Variants in ESRRG observed in about 807,000 individuals in gnomAD.
ESRRG encodes estrogen related receptor gamma.
A neutral mutation model predicts 44.0 loss-of-function variants in ESRRG; 13 were observed. That is an observed-to-expected ratio of 0.30 (90% CI 0.19 to 0.47). The LOEUF is 0.47. ESRRG is among the 20% of genes least tolerant of loss of function. The pLI is 1.00. For missense variants in ESRRG, 395 were observed against 580.6 expected, an observed-to-expected ratio of 0.68 and a Z score of 3.29; for synonymous variants, 215 against 214.6, an observed-to-expected ratio of 1.00 and a Z score of -0.02.
At chr1:217,048,244 CT>C (rs1198489595) in intron 1 of ESRRG, among the ~76,000 whole-genome samples, 1 of 152,038 alleles carries the variant, frequency 6.6e-6, no homozygotes, top group Admixed American at 6.6e-5. Flanking sequence ...GCTGACGGTA[CT>C]GGTTAGAGAG....
chr1:216,770,036 T>C (rs2093314228), intron 2 of ESRRG, among the ~76,000 whole-genome samples: 1 of 151,758 alleles, frequency 6.6e-6, no homozygotes, highest in Non-Finnish European at 1.5e-5. Context: ...TGAATTAGGG[T>C]AGGGCAAAAA....
chr1:216,628,987 GCT>G (rs1474455064), intron 3 of ESRRG, among the ~76,000 whole-genome samples: 2 of 151,948 alleles, frequency 1.3e-5, no homozygotes, highest in Non-Finnish European at 1.5e-5. Flanking sequence ...TGGAATATCT[GCT>G]CTCTTTCCCT....
intron 2 of ESRRG, among the ~76,000 whole-genome samples, chr1:216,859,370 A>T (rs956185700): frequency 1.3e-5 from 2 of 152,234 alleles, no homozygotes; most frequent in African/African-American, 4.8e-5. Flanking sequence ...TCAATTCAGG[A>T]GACACATCTA....
chr1:217,008,150 T>C (rs527588724), intron 1 of ESRRG, among the ~76,000 whole-genome samples: 11 of 152,292 alleles, frequency 7.2e-5, no homozygotes, highest in Admixed American at 3.3e-4. Flanking sequence ...CTGCAAACCA[T>C]TTACACCTTT....
At chr1:216,857,464 C>T (rs904132722) in intron 2 of ESRRG, among the ~76,000 whole-genome samples, 2 of 151,998 alleles carry the variant, frequency 1.3e-5, no homozygotes, top group Non-Finnish European at 2.9e-5. Context: ...CACTTCAACA[C>T]TCCTATTGCC....
At chr1:216,860,434 A>AATG (rs1483158097) in intron 2 of ESRRG, among the ~76,000 whole-genome samples, 5 of 152,118 alleles carry the variant, frequency 3.3e-5, no homozygotes, top group Non-Finnish European at 7.4e-5. Context: ...ACATAAAGAA[A>AATG]ATGACACCAG....
chr1:216,829,708 C>G (rs952216620), intron 2 of ESRRG, among the ~76,000 whole-genome samples: 22 of 152,152 alleles, frequency 1.4e-4, no homozygotes, highest in African/African-American at 5.3e-4. Context: ...CGCCTGCCAC[C>G]ATGCCCACCT....
chr1:216,781,559 C>T (rs1456889164), intron 2 of ESRRG, among the ~76,000 whole-genome samples: 1 of 152,004 alleles, frequency 6.6e-6, no homozygotes, highest in Non-Finnish European at 1.5e-5. Context: ...ACCAAACATA[C>T]CGTCACAGTT....
At chr1:216,801,816 G>C (rs149017935) in intron 2 of ESRRG, among the ~76,000 whole-genome samples, 1 of 152,264 alleles carries the variant, frequency 6.6e-6, no homozygotes, top group East Asian at 1.9e-4. Flanking sequence ...AGTTGTATGA[G>C]TTACCAATTC....
intron 1 of ESRRG, among the ~76,000 whole-genome samples, chr1:217,086,234 T>C (rs1213846778): frequency 6.6e-6 from 1 of 152,194 alleles, no homozygotes; most frequent in Non-Finnish European, 1.5e-5. Flanking sequence ...AATGGATATA[T>C]AGTATTTCCA....
intron 2 of ESRRG, among the ~76,000 whole-genome samples, chr1:216,732,057 A>T (rs1398707996): frequency 6.6e-6 from 1 of 152,018 alleles, no homozygotes; most frequent in Non-Finnish European, 1.5e-5. Flanking sequence ...TTAGCTGTTT[A>T]GAACATTTAA....
intron 2 of ESRRG, among the ~76,000 whole-genome samples, chr1:216,765,818 C>G (rs942467092): frequency 1.3e-5 from 2 of 152,202 alleles, no homozygotes; most frequent in Non-Finnish European, 2.9e-5. Context: ...CATGCTGTTC[C>G]TATAACGTGG....
At chr1:217,040,219 G>A (rs772027710) in intron 1 of ESRRG, among the ~76,000 whole-genome samples, 1 of 152,060 alleles carries the variant, frequency 6.6e-6, no homozygotes. Context: ...GGGTTATTTA[G>A]ACGGTAAGAA....
At chr1:216,997,987 CT>C (rs1294558244) in intron 1 of ESRRG, among the ~76,000 whole-genome samples, 14 of 152,056 alleles carry the variant, frequency 9.2e-5, no homozygotes, top group Admixed American at 9.2e-4. Context: ...TTTTTCTTCC[CT>C]TTTTTAACTG....
At chr1:216,847,438 G>T (rs926193961) in intron 2 of ESRRG, among the ~76,000 whole-genome samples, 19 of 152,100 alleles carry the variant, frequency 1.2e-4, no homozygotes, top group Admixed American at 4.6e-4. Context: ...AACTGGAGTA[G>T]AAAGGAAAGG....
At chr1:216,650,267 T>C (rs1056598440) in intron 3 of ESRRG, among the ~76,000 whole-genome samples, 1 of 152,104 alleles carries the variant, frequency 6.6e-6, no homozygotes, top group Non-Finnish European at 1.5e-5. Context: ...TAAAGAAAAC[T>C]TTTTATCCAT....
chr1:216,578,235 G>A (rs1224183555), intron 3 of ESRRG, among the ~76,000 whole-genome samples: 2 of 152,066 alleles, frequency 1.3e-5, no homozygotes, highest in Non-Finnish European at 2.9e-5. Flanking sequence ...ATACAAGCGA[G>A]AGATGTCTTG....
At chr1:216,555,145 G>A (rs2057259972) in intron 5 of ESRRG, among the ~76,000 whole-genome samples, 1 of 152,144 alleles carries the variant, frequency 6.6e-6, no homozygotes. Context: ...AAGGAGGTAG[G>A]CTGACTCAGT....
At chr1:216,658,848 AAGAAGAGAAGAGAAG>A (rs199919171) in intron 2 of ESRRG, among the ~76,000 whole-genome samples, 18,130 of 124,928 alleles carry the variant, frequency 0.15, 1,380 homozygotes, top group South Asian at 0.18. Flanking sequence ...AAGAAAGTAA[AAGAAGAGAAGAGAAG>A]AGAAGAGAAG....
Sources: allele counts gnomAD v4.1 joint callset (sites outside exome capture counted in the v4.1 genomes callset), GRCh38; gene constraint gnomAD v4.1.1; transcripts MANE v1.5; gene names NCBI Gene and HGNC (gene_info 2026-07-23, HGNC 2026-07-21).